Variants in SH3D19 observed in about 807,000 individuals in gnomAD.
The protein encoded by SH3D19 is SH3 domain-containing protein 19.
Under a neutral mutation model 112.1 loss-of-function variants are expected in SH3D19, and 58 were observed. That is an observed-to-expected ratio of 0.52 (90% CI 0.42 to 0.64). SH3D19 has a LOEUF of 0.64. Among genes scored for constraint, SH3D19 ranks in the 30% least tolerant of loss-of-function variants. SH3D19 has a pLI of 0.00. For missense variants in SH3D19, 1,090 were observed against 1,263.4 expected, an observed-to-expected ratio of 0.86 and a Z score of 2.08; for synonymous variants, 391 against 448.5, an observed-to-expected ratio of 0.87 and a Z score of 1.62.
At position 151,165,565 on chromosome 4, in the gene SH3D19, TAAAGA is replaced by T. The variant is rs1757863085; in HGVS notation, c.1642+19_1642+23del. ...TCTCCCAGCCTCTTGAAGAAGCTAA[TAAAGA>T]AAGCAGAGAAGTGCTTACATTTTCC... On this transcript the variant is annotated intron_variant, in intron 8 of 19. Coordinates refer to ENST00000604030, the MANE Select transcript of SH3D19 (RefSeq NM_001378122.1). 1 of 1,562,630 alleles carries T rather than the reference TAAAGA, an allele frequency of 6.4e-7. No individual in the cohort carries two copies. The highest frequency in any genetic ancestry group is 1.1e-5 in the South Asian group (1 of 88,536).
chr4:151,185,171 AC>A (rs1561301709), intron 3 of SH3D19, among the ~76,000 whole-genome samples: 3 of 151,798 alleles, frequency 2.0e-5, no homozygotes, highest in African/African-American at 7.3e-5. Flanking sequence ...TGATTCCCTA[AC>A]AAAAAAGTCC....
intron 1 of SH3D19, among the ~76,000 whole-genome samples, chr4:151,244,323 G>A (rs1770776932): frequency 1.3e-5 from 2 of 152,170 alleles, no homozygotes; most frequent in Admixed American, 1.3e-4. Context: ...TGGAGAACAA[G>A]CCTTTAGATT....
At chr4:151,226,239 G>A (rs934428454) in intron 1 of SH3D19, 153 bp from the exon 2 acceptor site, 12 of 1,223,822 alleles carry the variant, frequency 9.8e-6, no homozygotes, top group East Asian at 3.2e-5. Context: ...ATCACAGTTC[G>A]CCTGACAGAG....
At chr4:151,252,716 G>A (rs773895405) in intron 1 of SH3D19, among the ~76,000 whole-genome samples, 22 of 152,128 alleles carry the variant, frequency 1.4e-4, no homozygotes, top group Non-Finnish European at 2.9e-4. Context: ...GCTAGACATC[G>A]ATCAAGCATC....
At chr4:151,267,562 C>T (rs1226656379) in intron 1 of SH3D19, among the ~76,000 whole-genome samples, 1 of 152,112 alleles carries the variant, frequency 6.6e-6, no homozygotes, top group African/African-American at 2.4e-5. Context: ...AACTAATGTC[C>T]TATTCATCTT....
intron 4 of SH3D19, 140 bp from the exon 5 acceptor site, chr4:151,177,095 G>A (rs1760066312): frequency 1.6e-6 from 1 of 626,070 alleles, no homozygotes; most frequent in East Asian, 3.5e-5. Context: ...TGACCTGTCA[G>A]GCCTGGGCTG....
chr4:151,159,213 C>G (rs544350882), intron 9 of SH3D19, 27 bp downstream of exon 9: 2 of 1,271,678 alleles, frequency 1.6e-6, no homozygotes, highest in African/African-American at 1.6e-5. Context: ...CGTCTTCAAT[C>G]TAGTACAATC....
chr4:151,284,812 T>C (rs1774584349), intron 1 of SH3D19, among the ~76,000 whole-genome samples: 1 of 152,234 alleles, frequency 6.6e-6, no homozygotes, highest in Non-Finnish European at 1.5e-5. Flanking sequence ...TCTCCTGTGA[T>C]AGGCATCAGC....
rs552001394 is a variant in SH3D19, at chr4:151,300,658, C to T, written c.112+24583G>A. On this transcript the variant is annotated intron_variant, in intron 1 of 19. Transcript: ENST00000604030. ...ATGTTAAGAAATTTGAGCTTTTAGG[C>T]GGAGGTATAATGTACAAACCACTGA... The T allele has an allele frequency of 9.3e-5, 14 of 150,230 alleles. No homozygotes were observed. In the East Asian group the frequency reaches 1.8e-3, roughly 19 times the overall value. The allele number at this position is 150,230 out of a possible 1,614,324, so 9.3% of individuals were successfully genotyped here.
At chr4:151,132,956 TA>T in intron 16 of SH3D19, 77 bp downstream of exon 16, 2 of 1,221,952 alleles carry the variant, frequency 1.6e-6, no homozygotes, top group South Asian at 3.0e-5. Flanking sequence ...TGGATTATTA[TA>T]CAGCTTAAGT....
intron 1 of SH3D19, among the ~76,000 whole-genome samples, chr4:151,291,999 A>G (rs1311697359): frequency 6.6e-6 from 1 of 152,196 alleles, no homozygotes; most frequent in Non-Finnish European, 1.5e-5. Flanking sequence ...CAGTAAAAAA[A>G]GAAGAAAAAA....
chr4:151,243,353 T>C (rs555931953), intron 1 of SH3D19, among the ~76,000 whole-genome samples: 8 of 152,326 alleles, frequency 5.3e-5, no homozygotes, highest in Non-Finnish European at 1.0e-4. Context: ...CTTTATACTA[T>C]AAAATGAAAA....
intron 1 of SH3D19, among the ~76,000 whole-genome samples, chr4:151,289,915 AAAT>A (rs948482315): frequency 6.6e-6 from 1 of 152,204 alleles, no homozygotes; most frequent in Admixed American, 6.5e-5. Flanking sequence ...CCCCATCTCT[AAAT>A]AAACAAAGAA....
At chr4:151,260,086 A>G (rs571285465) in intron 1 of SH3D19, among the ~76,000 whole-genome samples, 68 of 152,198 alleles carry the variant, frequency 4.5e-4, no homozygotes, top group African/African-American at 1.6e-3. Flanking sequence ...AAATATTTTT[A>G]TTTTATTTGT....
intron 1 of SH3D19, among the ~76,000 whole-genome samples, chr4:151,320,215 G>T (rs1272918599): frequency 6.6e-6 from 1 of 152,188 alleles, no homozygotes; most frequent in Non-Finnish European, 1.5e-5. Context: ...TCAAAATATA[G>T]AAAGAGTAAA....
chr4:151,184,268 A>G, intron 3 of SH3D19, among the ~76,000 whole-genome samples: 1 of 152,176 alleles, frequency 6.6e-6, no homozygotes, highest in African/African-American at 2.4e-5. Flanking sequence ...TCCGCTTGCC[A>G]GGGTTAGATG....
chr4:151,175,488 C>T lies in SH3D19; in HGVS notation c.716G>A (p.Arg239Lys). Reference protein sequence around the residue: ...RSKSNLRPIPRDSHIKEQSQQ... With the variant: ...RSKSNLRPIPKDSHIKEQSQQ... ...ACTTTGCTCTTTAATGTGAGAATCT[C>T]TGGGTATTGGTCTGAGGTTGCTTTT... The change falls in exon 7 of 20, where the codon AGA becomes AAA. Residue 239 changes from arginine to lysine, a missense_variant. Coordinates refer to ENST00000604030, the MANE Select transcript of SH3D19 (RefSeq NM_001378122.1). 1.4e-6 allele frequency: 2 copies of T among 1,468,630 alleles called. No homozygotes were observed. The highest frequency in any genetic ancestry group is 1.8e-6 in the Non-Finnish European group (2 of 1,114,314). 91.0% of individuals were successfully genotyped at this position (1,468,630 alleles called of 1,614,324 possible).
At chr4:151,273,359 G>A (rs1016180684) in intron 1 of SH3D19, among the ~76,000 whole-genome samples, 3 of 152,012 alleles carry the variant, frequency 2.0e-5, no homozygotes, top group African/African-American at 7.2e-5. Flanking sequence ...GGGAGGCCGA[G>A]GCGGGTGGAT....
chr4:151,160,802 A>G (rs889967374), intron 8 of SH3D19, among the ~76,000 whole-genome samples: 2 of 151,920 alleles, frequency 1.3e-5, no homozygotes, highest in African/African-American at 4.8e-5. Context: ...TCTCAAAGGG[A>G]GGAAAATACC....
Sources: allele counts gnomAD v4.1 joint callset (sites outside exome capture counted in the v4.1 genomes callset), GRCh38; gene constraint gnomAD v4.1.1; transcripts MANE v1.5; gene names NCBI Gene and HGNC (gene_info 2026-07-23, HGNC 2026-07-21).